ADGRV1: variants seen among roughly 807,000 people sequenced by gnomAD.
The protein encoded by ADGRV1 is adhesion G protein-coupled receptor V1.
A neutral mutation model predicts 596.2 loss-of-function variants in ADGRV1; 359 were observed. The ratio of observed to expected loss-of-function variants is 0.60; its 90% CI spans 0.55 to 0.66. The LOEUF (loss-of-function observed/expected upper bound fraction) is 0.66, where lower values mean the gene tolerates loss of function less well. Ranked by LOEUF, ADGRV1 falls within the 30% of genes least tolerant of loss-of-function variation. The pLI is 0.00. For missense variants in ADGRV1, 7,274 were observed against 7,575.6 expected (o/e 0.96, Z 1.48); for synonymous variants, 2,681 against 2,679.2 (o/e 1.00, Z -0.02).
At chr5:91,120,911 C>T (rs1047594906) in intron 87 of ADGRV1, among the ~76,000 whole-genome samples, 2 of 152,146 alleles carry the variant, frequency 1.3e-5, no homozygotes, top group Admixed American at 1.3e-4. Context: ...CTATGGCTCA[C>T]GCCTGTAATC....
At chr5:90,811,431 GA>G in intron 74 of ADGRV1, 93 bp downstream of exon 74, 1 of 1,208,250 alleles carries the variant, frequency 8.3e-7, no homozygotes, top group Non-Finnish European at 1.1e-6. Flanking sequence ...GGAAGAAGGT[GA>G]AGTTCTTAAG....
At chr5:90,657,033 A>G (rs996653925) in intron 20 of ADGRV1, among the ~76,000 whole-genome samples, 18 of 152,070 alleles carry the variant, frequency 1.2e-4, no homozygotes, top group African/African-American at 4.3e-4. Context: ...AATACTTCTT[A>G]TGAATTCTCA....
intron 83 of ADGRV1, among the ~76,000 whole-genome samples, chr5:90,867,367 A>G (rs539563493): frequency 1.3e-5 from 2 of 152,330 alleles, no homozygotes; most frequent in East Asian, 3.9e-4. Flanking sequence ...AAGTCCGTAC[A>G]TTAACCGCAA....
At chr5:90,932,160 T>G (rs1276664844) in intron 83 of ADGRV1, among the ~76,000 whole-genome samples, 1 of 152,214 alleles carries the variant, frequency 6.6e-6, no homozygotes, top group Non-Finnish European at 1.5e-5. Flanking sequence ...AAGGAAGTGG[T>G]AACTTGCCAG....
chr5:90,629,377 C>T lies in ADGRV1; in HGVS notation c.1677C>T (p.Tyr559=), dbSNP rs748801671. ...TGAGGTTGCTTTATTCTGTACTTTA[C>T]ATTCCTGCTGGAGCTGTGGACCCCT... ...GDVRLLYSVL[Y]IPAGAVDPLQ... is the part of the protein sequence containing the mutation. The change falls in exon 9 of 90, where the codon TAC becomes TAT. Residue 559 remains tyrosine, a synonymous_variant. Transcript: ENST00000405460. The T allele has an allele frequency of 6.2e-7, 1 of 1,613,630 alleles. No individual in the cohort carries two copies. The highest frequency in any genetic ancestry group is 1.1e-5 in the South Asian group (1 of 91,064).
Position 90,652,411 on chromosome 5 carries a change from C to G in ADGRV1, c.3482C>G (p.Ser1161Cys), listed in dbSNP as rs147062294. ...TCTTGGCAGCTCTTTCAGAATGATT[C>G]TGCTTTGCAGCCTGGGCAGGAGTTC... ...SVSWQLFQND[S>C]ALQPGQEFYE... is the part of the protein sequence containing the mutation. Residue 1161 changes from serine (S) to cysteine (C), a missense_variant, in exon 19 of 90, where the codon TCT (serine) becomes TGT (cysteine). Ser to Cys is a moderately radical substitution (Grantham distance 112). Coordinates refer to ENST00000405460, the MANE Select transcript of ADGRV1 (RefSeq NM_032119.4). 8.9e-4 allele frequency: 1,434 copies of G among 1,612,196 alleles called. 13 individuals are homozygous for G. In the African/African-American group the frequency reaches 0.015, roughly 17 times the overall value.
intron 83 of ADGRV1, among the ~76,000 whole-genome samples, chr5:90,955,539 A>G (rs1432171264): frequency 2.0e-5 from 3 of 152,166 alleles, no homozygotes; most frequent in Admixed American, 2.0e-4. Context: ...CACACAGAAT[A>G]TATTTGTTGA....
chr5:90,762,455 T>C (rs1175702023), intron 58 of ADGRV1, among the ~76,000 whole-genome samples: 1 of 152,216 alleles, frequency 6.6e-6, no homozygotes, highest in Non-Finnish European at 1.5e-5. Flanking sequence ...CAAAACAAGA[T>C]TGTATTGCAT....
chr5:90,561,596 G>C (rs1242289052), intron 1 of ADGRV1, among the ~76,000 whole-genome samples: 1 of 152,100 alleles, frequency 6.6e-6, no homozygotes, highest in Non-Finnish European at 1.5e-5. Flanking sequence ...CTCTTATATA[G>C]TATCTATAGG....
chr5:90,634,885 G>A (rs1765966768), intron 9 of ADGRV1, among the ~76,000 whole-genome samples: 1 of 152,054 alleles, frequency 6.6e-6, no homozygotes, highest in East Asian at 1.9e-4. Context: ...TAAGATAAAG[G>A]GTTTAGGCAG....
intron 87 of ADGRV1, among the ~76,000 whole-genome samples, chr5:91,120,948 C>T (rs1038037250): frequency 2.0e-5 from 3 of 151,988 alleles, no homozygotes; most frequent in Non-Finnish European, 4.4e-5. Flanking sequence ...CCAAGGTGGG[C>T]GGGTCACTTG....
chr5:90,821,345 T>C (rs1347918080), intron 75 of ADGRV1, among the ~76,000 whole-genome samples: 2 of 151,256 alleles, frequency 1.3e-5, no homozygotes, highest in African/African-American at 4.8e-5. Context: ...TTTCAACTTC[T>C]TTGCCTTTGG....
At chr5:90,896,432 A>G (rs1231287972) in intron 83 of ADGRV1, among the ~76,000 whole-genome samples, 1 of 151,542 alleles carries the variant, frequency 6.6e-6, no homozygotes, top group Non-Finnish European at 1.5e-5. Context: ...CACCATGCCC[A>G]GCTAATTTAT....
chr5:90,731,420 G>A (rs1211103018), intron 50 of ADGRV1, among the ~76,000 whole-genome samples: 2 of 152,094 alleles, frequency 1.3e-5, no homozygotes, highest in African/African-American at 4.8e-5. Context: ...CATGAGATTT[G>A]GGTTGGGACA....
intron 21 of ADGRV1, among the ~76,000 whole-genome samples, chr5:90,663,646 G>A (rs912550209): frequency 1.3e-4 from 20 of 152,286 alleles, no homozygotes; most frequent in African/African-American, 4.6e-4. Flanking sequence ...TTTGTCTTTT[G>A]TTGCCATTGC....
At chr5:90,713,170 TA>T (rs1749611936) in intron 42 of ADGRV1, among the ~76,000 whole-genome samples, 1 of 152,048 alleles carries the variant, frequency 6.6e-6, no homozygotes, top group Admixed American at 6.5e-5. Context: ...TGGTTTTTTT[TA>T]AAAAAAATTT....
In ADGRV1 at chr5:90,763,386, G is replaced by A. The variant is rs760011091; in HGVS notation, c.12202G>A (p.Gly4068Arg). 6 of 1,613,166 alleles carry A rather than the reference G, an allele frequency of 3.7e-6. No homozygotes were observed. In the African/African-American group the frequency reaches 5.3e-5, roughly 14 times the overall value. ...LTVVRSPGGK[G>R]TVRLEWTIDE... ...GGTTGTCCGGTCCCCAGGAGGAAAA[G>A]GAACCGTCCGACTTGAGTGGACCAT... is the stretch of plus-strand genomic sequence containing the variant. Residue 4068 changes from glycine (G) to arginine (R), a missense_variant, in exon 59 of 90, where the codon GGA becomes AGA. Gly to Arg is a moderately radical substitution (Grantham distance 125, BLOSUM62 -2). This residue lies in a region of ADGRV1 where 3,643 missense variants were observed against 3,809.2 expected (regional missense o/e 0.96). Coordinates refer to ENST00000405460, the MANE Select transcript of ADGRV1 (RefSeq NM_032119.4).
intron 83 of ADGRV1, among the ~76,000 whole-genome samples, chr5:90,879,199 G>A (rs1052971293): frequency 3.3e-5 from 5 of 152,178 alleles, no homozygotes; most frequent in Admixed American, 6.5e-5. Flanking sequence ...GCCCAGCCAA[G>A]GTTCCCACCT....
At chr5:91,013,331 A>C (rs909738124) in intron 85 of ADGRV1, among the ~76,000 whole-genome samples, 3 of 152,144 alleles carry the variant, frequency 2.0e-5, no homozygotes, top group Non-Finnish European at 4.4e-5. Flanking sequence ...TAGCACCAAC[A>C]GTGTATAATT....
Sources: gnomAD v4.1 joint callset for allele counts (sites outside exome capture counted in the v4.1 genomes callset) on GRCh38, gnomAD v4.1.1 for gene constraint, gnomAD v4.1.1 regional missense constraint, MANE v1.5 for transcripts, NCBI Gene and HGNC (gene_info 2026-07-23, HGNC 2026-07-21) for gene names.